Variants in ZNF862 observed in about 807,000 individuals in gnomAD.
ZNF862 encodes zinc finger protein 862.
ZNF862 carries 64 observed loss-of-function variants against 91.1 expected under a neutral mutation model. The ratio of observed to expected loss-of-function variants is 0.70; its 90% confidence interval spans 0.57 to 0.87. The LOEUF (loss-of-function observed/expected upper bound fraction) is 0.87. Among genes scored for constraint, ZNF862 ranks in the 40% least tolerant of loss-of-function variants. The pLI, the probability that ZNF862 is intolerant of heterozygous loss-of-function variation, is 0.00. For missense variants in ZNF862, 1,459 were observed against 1,528.0 expected (o/e 0.95, Z 0.75); for synonymous variants, 631 against 618.1 (o/e 1.02, Z -0.31).
chr7:149,840,921 C>CA, intron 1 of ZNF862: 1 of 985,070 alleles, frequency 1.0e-6, no homozygotes, highest in East Asian at 1.1e-4. Context: ...CATGACTGTA[C>CA]AAACATTTTG....
At position 149,855,315 on chromosome 7, in the gene ZNF862, C is replaced by T. The variant is rs930147863; in HGVS notation, c.1118-4107C>T. ...AGGAAAATGTAGGAAACAAAAGCCC[C>T]GTCTCTGTGTAGTAGTAGAAAATCT... On this transcript the variant is annotated intron_variant, in intron 5 of 7. Transcript: ENST00000223210. The surrounding 1 kb of genome is among the most constrained non-coding windows in gnomAD (Gnocchi z 4.1). Among the ~76,000 whole-genome samples the T allele has an allele frequency of 5.3e-5, 8 of 152,134 alleles. No individual in the cohort carries two copies. The highest frequency in any genetic ancestry group is 2.1e-4 in the South Asian group (1 of 4,818).
At chr7:149,845,909 C>T (rs1022634913) in intron 2 of ZNF862, among the ~76,000 whole-genome samples, 1 of 152,122 alleles carries the variant, frequency 6.6e-6, no homozygotes, top group Non-Finnish European at 1.5e-5. Context: ...CCTGTTTAGC[C>T]TCCTTGTGCC....
chr7:149,845,894 G>A (rs978858300), intron 2 of ZNF862, among the ~76,000 whole-genome samples: 3 of 152,054 alleles, frequency 2.0e-5, no homozygotes, highest in Non-Finnish European at 4.4e-5. Flanking sequence ...CCCATAGTTT[G>A]TATACCTGTT....
At chr7:149,849,824 G>A (rs1802000523) in intron 4 of ZNF862, among the ~76,000 whole-genome samples, 1 of 152,176 alleles carries the variant, frequency 6.6e-6, no homozygotes, top group African/African-American at 2.4e-5. Flanking sequence ...GAGGCACACA[G>A]TCACCTTTTA....
rs1801929307 is a variant in ZNF862 at position 149,847,899 on chromosome 7, C to T, written c.406C>T (p.Pro136Ser). 4 of 1,607,520 alleles carry T rather than the reference C, an allele frequency of 2.5e-6. No individual in the cohort carries two copies. Among genetic ancestry groups the T allele is most frequent in the Non-Finnish European group, 2.5e-6 (3 of 1,176,794 alleles). ...CGGAAGAAACAGGAAACTTCTGAAG[C>T]CCCGGTCCATCCAGAAGTCGTGGTT... ...WAGRNRKLLKPRSIQKSWFVQ... is the reference protein window; with the variant it reads ...WAGRNRKLLKSRSIQKSWFVQ... The change falls in exon 4 of 8, where the codon CCC becomes TCC. Residue 136 changes from proline to serine, a missense_variant. By Grantham distance (74) the Pro-to-Ser change is moderately conservative. Coordinates refer to ENST00000223210, the MANE Select transcript of ZNF862 (RefSeq NM_001099220.3).
intron 5 of ZNF862, among the ~76,000 whole-genome samples, chr7:149,857,480 T>G (rs1294849735): frequency 6.6e-6 from 1 of 152,238 alleles, no homozygotes; most frequent in Admixed American, 6.5e-5. Flanking sequence ...ATATTAATTC[T>G]CATTATTTTG....
chr7:149,838,491 C>G lies in ZNF862; in HGVS notation c.-121C>G, dbSNP rs1801594241. On this transcript the variant is annotated 5_prime_UTR_variant, in exon 1 of 8. Transcript: ENST00000223210. ...GAGAGCGAAGTTCTTGGGCCGCGCT[C>G]CCTCCCTACCTGGGTGCCCTCCCCC... 4 of 621,048 alleles carry G rather than the reference C, an allele frequency of 6.4e-6. No homozygotes were observed. The highest frequency in any genetic ancestry group is 4.0e-4 in the Middle Eastern group (1 of 2,488). The allele number at this position is 621,048 out of a possible 1,614,324, so 38.5% of individuals were successfully genotyped here. A position where few individuals can be genotyped will look rare whatever the true frequency, so the allele number is the denominator to read the frequency against.
In ZNF862 at chr7:149,859,534, T is replaced by A. The variant is rs1315274931; in HGVS notation, c.1222+8T>A. The A allele has an allele frequency of 1.9e-6, 3 of 1,556,914 alleles. No individual in the cohort carries two copies. In the African/African-American group the frequency reaches 4.1e-5, roughly 21 times the overall value. ...GGAAAGGTCGTCCTCCAGGTGAGTG[T>A]AAACCTACAGCATTCTGAAGGACAT... On this transcript the variant is annotated splice_region_variant and intron_variant, in intron 6 of 7. Coordinates refer to ENST00000223210, the MANE Select transcript of ZNF862 (RefSeq NM_001099220.3).
At chr7:149,852,871 A>C (rs1276795757) in intron 5 of ZNF862, 8 of 152,256 alleles carry the variant, frequency 5.3e-5, no homozygotes, top group Admixed American at 5.2e-4. Flanking sequence ...TTTCTTGTCC[A>C]CAGGAGAAGT....
In ZNF862 at chr7:149,861,667, A is replaced by C; in HGVS notation, c.2507A>C (p.His836Pro). The change falls in exon 7 of 8, where the codon CAC becomes CCC. Residue 836 changes from histidine (H) to proline (P), a missense_variant. Coordinates refer to ENST00000223210, the MANE Select transcript of ZNF862 (RefSeq NM_001099220.3). This position sits in a 1 kb window ranked among gnomAD's most constrained non-coding sequence, Gnocchi z 6.7. ...ATGCTGAAGCTCATGCGCGGCTTCC[A>C]CTTTGTCAAGTTCTGCCACTTCCTG... is the stretch of plus-strand genomic sequence containing the variant. The part of the protein sequence containing the change: ...KGMLKLMRGF[H>P]FVKFCHFLLD... 6.2e-7 allele frequency: 1 copy of C among 1,610,922 alleles called. No individual in the cohort carries two copies. Among genetic ancestry groups the C allele is most frequent in the Middle Eastern group, 1.7e-4 (1 of 6,056 alleles).
chr7:149,862,387 CG>C lies in ZNF862; in HGVS notation c.3229del (p.Glu1077SerfsTer13). On this transcript the variant is annotated frameshift_variant, in exon 7 of 8. Transcript: ENST00000223210. LOFTEE classifies it high-confidence loss of function. ...ACAGCTGTGAACGGCGTGGCCGTCA[CG>C]GAGTACGACCCCCAGCCCGCCATCC... ...MMTAVNGVAVTEYDPQPAIQH... is the reference protein window; with the variant it reads ...MMTAVNGVAVXEYDPQPAIQH... 1 of 1,612,714 alleles carries C rather than the reference CG, an allele frequency of 6.2e-7. No homozygotes were observed. The highest frequency in any genetic ancestry group is 2.2e-5 in the East Asian group (1 of 44,850).
Position 149,860,468 on chromosome 7 carries a change from G to A in ZNF862, c.1308G>A (p.Glu436=). The A allele has an allele frequency of 6.2e-7, 1 of 1,613,988 alleles. No homozygotes were observed. Among genetic ancestry groups the A allele is most frequent in the Non-Finnish European group, 8.5e-7 (1 of 1,179,892 alleles). Residue 436 remains glutamate (E), a synonymous_variant, in exon 7 of 8, where the codon GAG becomes GAA. Transcript: ENST00000223210. ...DSALLPGSPV[E]ARASCCSSSI... ...CGTTGCTTCCAGGCTCTCCCGTGGA[G>A]GCCCGTGCCTCCTGCTGCAGTTCCA...
rs779635629 is a variant in ZNF862 at position 149,861,279 on chromosome 7, G to A, written c.2119G>A (p.Gly707Ser). 3.1e-6 allele frequency: 5 copies of A among 1,612,476 alleles called. No individual in the cohort carries two copies. The East Asian group carries it at 1.1e-4, about 36-fold the overall frequency. ...DGSAMLSCRG[G>S]LVEKFQEVIP... is the part of the protein sequence containing the mutation. ...CTCAGCCATGTTGAGCTGCAGAGGA[G>A]GCCTTGTGGAAAAGTTCCAGGAGGT... Residue 707 changes from glycine (G) to serine (S), a missense_variant, in exon 7 of 8, where the codon GGC (glycine) becomes AGC (serine). Physicochemically the swap from Gly to Ser is moderately conservative, Grantham distance 56. Coordinates refer to ENST00000223210, the MANE Select transcript of ZNF862 (RefSeq NM_001099220.3). This position sits in a 1 kb window ranked among gnomAD's most constrained non-coding sequence, Gnocchi z 6.7.
At chr7:149,840,631 CT>C (rs1156745592) in intron 1 of ZNF862, among the ~76,000 whole-genome samples, 1,618 of 141,758 alleles carry the variant, frequency 0.011, 11 homozygotes, top group African/African-American at 0.03. Context: ...ACAGATGGAC[CT>C]TTTTTTTTTT....
chr7:149,860,921 C>T lies in ZNF862; in HGVS notation c.1761C>T (p.Thr587=), dbSNP rs762697562. The T allele has an allele frequency of 5.0e-6, 8 of 1,613,676 alleles. No homozygotes were observed. The highest frequency in any genetic ancestry group is 2.7e-5 in the African/African-American group (2 of 74,920). ...TGCAGCTCCTCCAAAGCACGGGGACCGTGATATTAGGCAAGTACCGCAATC... is the reference window on the plus strand; with the variant it reads ...TGCAGCTCCTCCAAAGCACGGGGACTGTGATATTAGGCAAGTACCGCAATC... The part of the protein sequence containing the change: ...KILQLLQSTG[T]VILGKYRNRT... Residue 587 remains threonine, a synonymous_variant, in exon 7 of 8, where the codon ACC becomes ACT. Coordinates refer to ENST00000223210, the MANE Select transcript of ZNF862 (RefSeq NM_001099220.3).
rs777802323 is a variant in ZNF862, at chr7:149,860,442, G to A, written c.1282G>A (p.Ala428Thr). 8.1e-6 allele frequency: 13 copies of A among 1,613,834 alleles called. No homozygotes were observed. Among genetic ancestry groups the A allele is most frequent in the Middle Eastern group, 1.6e-4 (1 of 6,084 alleles). ...CACACAGGCCTCGGCTGCAGACTCC[G>A]CGTTGCTTCCAGGCTCTCCCGTGGA... is the stretch of plus-strand genomic sequence containing the variant. ...ADTQASAADS[A>T]LLPGSPVEAR... The change falls in exon 7 of 8, where the codon GCG becomes ACG. Residue 428 changes from alanine (A) to threonine (T), a missense_variant. Ala to Thr is a moderately conservative substitution (Grantham distance 58). Coordinates refer to ENST00000223210, the MANE Select transcript of ZNF862 (RefSeq NM_001099220.3).
At chr7:149,849,482 C>T (rs1328619792) in intron 4 of ZNF862, among the ~76,000 whole-genome samples, 1 of 152,234 alleles carries the variant, frequency 6.6e-6, no homozygotes, top group Non-Finnish European at 1.5e-5. Flanking sequence ...TCACCTATTG[C>T]ATAGAAGTAG....
rs1341926521 is a variant in ZNF862 at position 149,848,391 on chromosome 7, A to G, written c.898A>G (p.Ile300Val). ...ITDGIHSSSD[I>V]NILYNDAVES... ...TGATGGCATCCACAGCTCCTCAGAC[A>G]TTAATATTTTATATAATGATGCAGT... The change falls in exon 4 of 8, where the codon ATT becomes GTT. Residue 300 changes from isoleucine to valine, a missense_variant. Transcript: ENST00000223210. 15 of 1,586,880 alleles carry G rather than the reference A, an allele frequency of 9.5e-6. No individual in the cohort carries two copies. Among genetic ancestry groups the G allele is most frequent in the African/African-American group, 1.3e-5 (1 of 74,094 alleles).
chr7:149,846,535 A>G (rs1484222873), intron 3 of ZNF862, among the ~76,000 whole-genome samples: 1 of 152,206 alleles, frequency 6.6e-6, no homozygotes, highest in Non-Finnish European at 1.5e-5. Flanking sequence ...ATTTACAACC[A>G]TATTTCTAGT....
Sources: allele counts gnomAD v4.1 joint callset (sites outside exome capture counted in the v4.1 genomes callset), GRCh38; gene constraint gnomAD v4.1.1; non-coding constraint Gnocchi (gnomAD v3.1); transcripts MANE v1.5; gene names NCBI Gene and HGNC (gene_info 2026-07-23, HGNC 2026-07-21).